Variants in SLC9A4 observed in about 807,000 individuals in gnomAD.
SLC9A4 encodes solute carrier family 9 member A4.
In SLC9A4, 63 loss-of-function variants were observed where a neutral mutation model predicts 67.4. The ratio of observed to expected loss-of-function variants is 0.93; its 90% confidence interval spans 0.76 to 1.15. The LOEUF is 1.15. Among genes scored for constraint, SLC9A4 ranks in the 50% most tolerant of loss-of-function variants. The pLI is 0.00. For synonymous variants in SLC9A4, 393 were observed against 367.2 expected (o/e 1.07, Z -0.80); for missense variants, 1,089 against 987.7 (o/e 1.10, Z -1.38).
chr2:102,521,428 T>C (rs1441734048), intron 9 of SLC9A4, among the ~76,000 whole-genome samples: 1 of 152,204 alleles, frequency 6.6e-6, no homozygotes, highest in Non-Finnish European at 1.5e-5. Context: ...CCTCTTTCCA[T>C]TTAATAAGTT....
intron 2 of SLC9A4, among the ~76,000 whole-genome samples, chr2:102,489,877 G>A (rs369774249): frequency 1.6e-4 from 24 of 152,250 alleles, no homozygotes; most frequent in East Asian, 7.7e-4. Flanking sequence ...TTTGTGGTTG[G>A]AAAGTCAGAG....
At chr2:102,474,726 T>C (rs1007512029) in intron 1 of SLC9A4, among the ~76,000 whole-genome samples, 2 of 152,232 alleles carry the variant, frequency 1.3e-5, no homozygotes, top group Non-Finnish European at 2.9e-5. Context: ...GTTTAATCCC[T>C]AACTGCTCCT....
At chr2:102,500,830 G>A (rs1332017357) in intron 2 of SLC9A4, among the ~76,000 whole-genome samples, 1 of 152,112 alleles carries the variant, frequency 6.6e-6, no homozygotes, top group African/African-American at 2.4e-5. Context: ...GGGAGAGCAA[G>A]GAGAAGGCCT....
intron 4 of SLC9A4, among the ~76,000 whole-genome samples, chr2:102,506,708 G>A (rs1048695749): frequency 1.3e-5 from 2 of 152,238 alleles, no homozygotes; most frequent in Admixed American, 6.5e-5. Context: ...AATCTACAGG[G>A]GAGTAGAGCT....
At chr2:102,500,903 A>C (rs1048270593) in intron 2 of SLC9A4, among the ~76,000 whole-genome samples, 5 of 152,088 alleles carry the variant, frequency 3.3e-5, no homozygotes, top group Non-Finnish European at 7.4e-5. Flanking sequence ...GCTTAGGGAC[A>C]ACTTTGCACA....
rs376750075 is a variant in SLC9A4 at position 102,503,617 on chromosome 2, A to G, written c.890A>G (p.Asn297Ser). The change falls in exon 3 of 12, where the codon AAT becomes AGT. Residue 297 changes from asparagine to serine, a missense_variant. Coordinates refer to ENST00000295269, the MANE Select transcript of SLC9A4 (RefSeq NM_001011552.4). ...GCATTTATCACACGTTTCACTCAGA[A>G]TATCTCTGCAATTGAGCCACTCATC... The part of the protein sequence containing the change: ...ISAFITRFTQ[N>S]ISAIEPLIVF... 74 of 1,614,066 alleles carry G rather than the reference A, an allele frequency of 4.6e-5. No individual in the cohort carries two copies. In the African/African-American group the frequency reaches 5.1e-4, roughly 11 times the overall value.
At chr2:102,474,836 T>C (rs1684293887) in intron 1 of SLC9A4, among the ~76,000 whole-genome samples, 1 of 152,252 alleles carries the variant, frequency 6.6e-6, no homozygotes, top group Non-Finnish European at 1.5e-5. Context: ...ATAAACTTTA[T>C]GCTATTTGAG....
chr2:102,524,653 C>G (rs1273284482), intron 9 of SLC9A4, among the ~76,000 whole-genome samples: 3 of 151,086 alleles, frequency 2.0e-5, no homozygotes, highest in African/African-American at 7.3e-5. Flanking sequence ...ATGGAAATTC[C>G]CAAAGTAGTT....
At chr2:102,492,158 C>T (rs1684716765) in intron 2 of SLC9A4, among the ~76,000 whole-genome samples, 1 of 152,218 alleles carries the variant, frequency 6.6e-6, no homozygotes. Flanking sequence ...CTTTCATGGG[C>T]TGGTGTTGAG....
chr2:102,477,980 GTCTA>G (rs1296848977), intron 1 of SLC9A4, among the ~76,000 whole-genome samples: 2 of 152,170 alleles, frequency 1.3e-5, no homozygotes, highest in African/African-American at 2.4e-5. Context: ...AATTGCAGTT[GTCTA>G]TCTCTTTGGT....
chr2:102,527,187 T>C (rs898428173), intron 11 of SLC9A4, among the ~76,000 whole-genome samples: 3 of 152,158 alleles, frequency 2.0e-5, no homozygotes, highest in Admixed American at 6.5e-5. Context: ...ATGATCACCA[T>C]AGAATGTTTT....
chr2:102,502,230 C>G (rs2075189), intron 2 of SLC9A4, among the ~76,000 whole-genome samples: 107,723 of 152,012 alleles, frequency 0.71, 38,889 homozygotes, highest in Middle Eastern at 0.77. Context: ...CTTTTCAGGA[C>G]CTAGATCATA....
intron 9 of SLC9A4, among the ~76,000 whole-genome samples, chr2:102,524,503 G>T (rs187726976): frequency 7.9e-5 from 12 of 151,640 alleles, no homozygotes; most frequent in Admixed American, 5.9e-4. Flanking sequence ...TGTTCTTCCT[G>T]TGACTTTGGT....
chr2:102,513,616 G>C (rs566037259), intron 7 of SLC9A4, among the ~76,000 whole-genome samples: 19 of 152,262 alleles, frequency 1.2e-4, no homozygotes, highest in African/African-American at 4.6e-4. Flanking sequence ...CAGCATAATG[G>C]GGCAAAACTA....
At chr2:102,524,431 G>A (rs887434459) in intron 9 of SLC9A4, among the ~76,000 whole-genome samples, 1 of 152,162 alleles carries the variant, frequency 6.6e-6, no homozygotes, top group Non-Finnish European at 1.5e-5. Context: ...GGACAAGGAA[G>A]ACATTCTCAT....
chr2:102,495,398 T>A (rs965967541), intron 2 of SLC9A4, among the ~76,000 whole-genome samples: 1 of 152,108 alleles, frequency 6.6e-6, no homozygotes, highest in African/African-American at 2.4e-5. Flanking sequence ...TCATATTCAT[T>A]AATGGAAGAG....
At position 102,473,449 on chromosome 2, in the gene SLC9A4, T is replaced by C. The variant is rs1684262447; in HGVS notation, c.-311T>C. 1 of 340,954 alleles carries C rather than the reference T, an allele frequency of 2.9e-6. No homozygotes were observed. The highest frequency in any genetic ancestry group is 5.8e-5 in the East Asian group (1 of 17,344). The allele number at this position is 340,954 out of a possible 1,614,324, so 21.1% of individuals were successfully genotyped here. The stretch of plus-strand genomic sequence containing the variant: ...GCCTTTAAGTGAAGAGATTTTTATT[T>C]CTTTCATAAATTGCTCAAGCCATGA... On this transcript the variant is annotated 5_prime_UTR_variant, in exon 1 of 12. Coordinates refer to ENST00000295269, the MANE Select transcript of SLC9A4 (RefSeq NM_001011552.4).
rs147912467 is a variant in SLC9A4, at chr2:102,532,483, C to T, written c.2192C>T (p.Thr731Ile). 6.2e-5 allele frequency: 100 copies of T among 1,614,052 alleles called. No individual in the cohort carries two copies. In the African/African-American group the frequency reaches 1.2e-3, roughly 20 times the overall value. Reference sequence around the variant, plus strand: ...TTCAGCTTTGGTTATCAAAGAAACACAAGCCAAGAAGAGTACTTGGGTGGA... The same window carrying T: ...TTCAGCTTTGGTTATCAAAGAAACATAAGCCAAGAAGAGTACTTGGGTGGA... Reference protein sequence around the residue: ...KAFSFGYQRNTSQEEYLGGVR... With the variant: ...KAFSFGYQRNISQEEYLGGVR... Residue 731 changes from threonine to isoleucine, a missense_variant, in exon 12 of 12, where the codon ACA becomes ATA. Thr to Ile is a moderately conservative substitution (Grantham distance 89). Transcript: ENST00000295269.
At chr2:102,507,999 G>A (rs757732935) in intron 4 of SLC9A4, 80 bp from the exon 5 acceptor site, 172 of 1,363,070 alleles carry the variant, frequency 1.3e-4, no homozygotes, top group East Asian at 3.9e-4. Flanking sequence ...CAGGGCACGC[G>A]CACACAACCT....
Sources: allele counts gnomAD v4.1 joint callset (sites outside exome capture counted in the v4.1 genomes callset), GRCh38; gene constraint gnomAD v4.1.1; transcripts MANE v1.5; gene names NCBI Gene and HGNC (gene_info 2026-07-23, HGNC 2026-07-21).